SP100: variants seen among roughly 807,000 people sequenced by gnomAD.
The protein encoded by SP100 is nuclear autoantigen Sp-100.
In SP100, 84 loss-of-function variants were observed where a neutral mutation model predicts 130.0. The observed-to-expected ratio is 0.65, with a 90% CI of 0.54 to 0.77. The LOEUF is 0.77. Among genes scored for constraint, SP100 ranks in the 30% least tolerant of loss-of-function variants. SP100 has a pLI of 0.00. For synonymous variants in SP100, 331 were observed against 351.7 expected (o/e 0.94, Z 0.66); for missense variants, 978 against 1,052.2 (o/e 0.93, Z 0.97).
chr2:230,503,208 G>C (rs1254065348), intron 20 of SP100, 98 bp downstream of exon 20: 13 of 825,124 alleles, frequency 1.6e-5, no homozygotes, highest in Admixed American at 1.5e-4. Flanking sequence ...TTGGCATATG[G>C]AGCTAGTACT....
chr2:230,422,908 C>T (rs1341867752), intron 2 of SP100, among the ~76,000 whole-genome samples: 1 of 152,136 alleles, frequency 6.6e-6, no homozygotes, highest in Admixed American at 6.5e-5. Context: ...TGTTTATAAG[C>T]AACTTTGTGA....
At chr2:230,443,146 T>C in intron 3 of SP100, 47 bp downstream of exon 3, 2 of 1,586,640 alleles carry the variant, frequency 1.3e-6, no homozygotes. Context: ...AGCCCCAAAA[T>C]AAGTTATGCT....
chr2:230,514,443 G>A (rs982896792), intron 24 of SP100, among the ~76,000 whole-genome samples: 11 of 152,044 alleles, frequency 7.2e-5, no homozygotes, highest in South Asian at 2.1e-4. Flanking sequence ...ATTATAGCCA[G>A]GAAATAATTA....
At chr2:230,453,445 G>A (rs1340312991) in intron 8 of SP100, among the ~76,000 whole-genome samples, 1 of 152,080 alleles carries the variant, frequency 6.6e-6, no homozygotes, top group Admixed American at 6.6e-5. Context: ...TACTAGCTGT[G>A]GGCTTGTCAT....
chr2:230,435,585 G>T (rs926731178), intron 2 of SP100, among the ~76,000 whole-genome samples: 4 of 152,000 alleles, frequency 2.6e-5, no homozygotes, highest in Non-Finnish European at 5.9e-5. Context: ...AAGTTCGGGG[G>T]TACATGTGCA....
chr2:230,440,147 T>G (rs555805321), intron 2 of SP100, among the ~76,000 whole-genome samples: 1 of 152,090 alleles, frequency 6.6e-6, no homozygotes, highest in Non-Finnish European at 1.5e-5. Flanking sequence ...TCTTCAACAT[T>G]GTATTCAAAC....
chr2:230,440,557 T>C (rs1041693871), intron 2 of SP100: 14 of 1,383,340 alleles, frequency 1.0e-5, no homozygotes, highest in Non-Finnish European at 1.3e-5. Context: ...ATTAAACACA[T>C]GTAAGTAAAT....
intron 17 of SP100, among the ~76,000 whole-genome samples, chr2:230,487,243 G>C (rs2066151889): frequency 1.3e-5 from 2 of 152,150 alleles, no homozygotes; most frequent in Admixed American, 1.3e-4. Flanking sequence ...TGAAGTCTTT[G>C]CCCATGCCTG....
chr2:230,432,854 ACAT>A (rs993311003), intron 2 of SP100, among the ~76,000 whole-genome samples: 3 of 152,194 alleles, frequency 2.0e-5, no homozygotes, highest in Non-Finnish European at 4.4e-5. Flanking sequence ...TTAAATTTTA[ACAT>A]CATTTATTCT....
intron 8 of SP100, among the ~76,000 whole-genome samples, chr2:230,454,280 C>T (rs1575638889): frequency 6.6e-6 from 1 of 151,892 alleles, no homozygotes; most frequent in Non-Finnish European, 1.5e-5. Context: ...TAGTTTTGAA[C>T]TCATTTATTT....
At chr2:230,462,338 C>A in intron 9 of SP100, 97 bp from the exon 10 acceptor site, 1 of 891,550 alleles carries the variant, frequency 1.1e-6, no homozygotes, top group Non-Finnish European at 1.8e-6. Context: ...AACTTAGCTT[C>A]CTGGGTCTTC....
At chr2:230,501,847 C>T (rs6751402) in intron 19 of SP100, among the ~76,000 whole-genome samples, 22,993 of 152,066 alleles carry the variant, frequency 0.15, 1,860 homozygotes, top group Middle Eastern at 0.3. Context: ...ACACACCGAT[C>T]AACACATAGA....
chr2:230,526,777 C>T (rs532635698), intron 24 of SP100, among the ~76,000 whole-genome samples: 49 of 152,094 alleles, frequency 3.2e-4, no homozygotes, highest in South Asian at 1.5e-3. Flanking sequence ...TCATGACGCA[C>T]GCACAAGCTT....
Position 230,444,212 on chromosome 2 carries a change from T to C in SP100, c.305T>C (p.Val102Ala). The C allele has an allele frequency of 1.2e-6, 2 of 1,609,410 alleles. No homozygotes were observed. Among genetic ancestry groups the C allele is most frequent in the South Asian group, 2.2e-5 (2 of 90,278 alleles). ...SQDSCRNLVP[V>A]QRVVYNVLSE... ...GATTCTTGTAGAAACCTGGTCCCTG[T>C]ACAGAGAGTGGTGTACAATGTTCTT... Residue 102 changes from valine (V) to alanine (A), a missense_variant, in exon 4 of 29, where the codon GTA becomes GCA. Transcript: ENST00000340126.
chr2:230,517,470 A>G (rs1366923268), intron 24 of SP100, among the ~76,000 whole-genome samples: 1 of 152,160 alleles, frequency 6.6e-6, no homozygotes, highest in African/African-American at 2.4e-5. Flanking sequence ...CTCAATAAAA[A>G]TAAGTTTTGG....
rs1692257291 is a variant in SP100 at position 230,544,184 on chromosome 2, A to C, written c.*1238A>C. 2.6e-5 allele frequency: 4 copies of C among 152,232 alleles called. No homozygotes were observed. The highest frequency in any genetic ancestry group is 6.5e-5 in the Admixed American group (1 of 15,288). The allele number at this position is 152,232 out of a possible 1,614,324, so 9.4% of individuals were successfully genotyped here. The stretch of plus-strand genomic sequence containing the variant: ...CTTAATGTAAAATCAAAAACTATGA[A>C]GACTCTGGAAGACAACCTAGGCAAT... On this transcript the variant is annotated 3_prime_UTR_variant, in exon 29 of 29. Coordinates refer to ENST00000340126, the MANE Select transcript of SP100 (RefSeq NM_001080391.2).
At chr2:230,505,494 C>T (rs1033572608) in intron 21 of SP100, among the ~76,000 whole-genome samples, 15 of 152,180 alleles carry the variant, frequency 9.9e-5, no homozygotes, top group African/African-American at 3.6e-4. Flanking sequence ...GCCAGGTGCT[C>T]GGTCTCTCTA....
chr2:230,494,675 C>T (rs1343320213), intron 18 of SP100, among the ~76,000 whole-genome samples: 1 of 152,190 alleles, frequency 6.6e-6, no homozygotes, highest in African/African-American at 2.4e-5. Flanking sequence ...AAGTGGTAGG[C>T]AGTCTGCCTT....
At chr2:230,539,692 G>T (rs1193562541) in intron 25 of SP100, among the ~76,000 whole-genome samples, 1 of 150,776 alleles carries the variant, frequency 6.6e-6, no homozygotes, top group African/African-American at 2.5e-5. Flanking sequence ...ATCATACACT[G>T]CCTGCTGGTT....
Sources: allele counts gnomAD v4.1 joint callset (sites outside exome capture counted in the v4.1 genomes callset), GRCh38; gene constraint gnomAD v4.1.1; transcripts MANE v1.5; gene names NCBI Gene and HGNC (gene_info 2026-07-23, HGNC 2026-07-21).